FAM186A: variants seen among roughly 807,000 people sequenced by gnomAD.
FAM186A encodes the protein protein FAM186A.
A neutral mutation model predicts 216.8 loss-of-function variants in FAM186A; 163 were observed. That is an observed-to-expected ratio of 0.75 (90% CI 0.66 to 0.86). FAM186A has a LOEUF of 0.86. Ranked by LOEUF, FAM186A falls within the 40% of genes least tolerant of loss-of-function variation. The pLI is 0.00. For missense variants in FAM186A, 2,184 were observed against 2,746.2 expected (o/e 0.80, Z 4.58); for synonymous variants, 805 against 1,025.3 (o/e 0.79, Z 4.10).
At chr12:50,388,455 C>T (rs1565897793) in intron 1 of FAM186A, among the ~76,000 whole-genome samples, 1 of 151,776 alleles carries the variant, frequency 6.6e-6, no homozygotes, top group Non-Finnish European at 1.5e-5. Context: ...CCCCTCTCTA[C>T]TAAAAATACA....
intron 1 of FAM186A, among the ~76,000 whole-genome samples, chr12:50,366,327 A>G (rs1251697321): frequency 6.6e-6 from 1 of 152,178 alleles, no homozygotes; most frequent in African/African-American, 2.4e-5. Flanking sequence ...AAGAAAAGAT[A>G]CTACTAACTC....
intron 1 of FAM186A, among the ~76,000 whole-genome samples, chr12:50,390,732 C>T (rs1229186940): frequency 6.6e-6 from 1 of 152,168 alleles, no homozygotes; most frequent in Admixed American, 6.6e-5. Flanking sequence ...CAGAGCTCTT[C>T]AAGGATGCCG....
intron 1 of FAM186A, among the ~76,000 whole-genome samples, chr12:50,390,056 C>T (rs1273731054): frequency 1.3e-5 from 2 of 152,120 alleles, no homozygotes; most frequent in African/African-American, 4.8e-5. Flanking sequence ...TATGTATATT[C>T]CAATTACACA....
At chr12:50,346,292 C>T (rs1011953139) in intron 4 of FAM186A, among the ~76,000 whole-genome samples, 8 of 146,834 alleles carry the variant, frequency 5.4e-5, no homozygotes, top group African/African-American at 1.0e-4. Context: ...GTAGTGGTGG[C>T]GCCATCTCAG....
intron 5 of FAM186A, among the ~76,000 whole-genome samples, chr12:50,332,683 C>CA (rs1289330060): frequency 1.3e-5 from 2 of 151,614 alleles, no homozygotes; most frequent in Admixed American, 6.6e-5. Flanking sequence ...TTTGCCAAAT[C>CA]AAAAAAAGGA....
At chr12:50,360,218 T>G (rs1335809356) in intron 3 of FAM186A, among the ~76,000 whole-genome samples, 1 of 144,180 alleles carries the variant, frequency 6.9e-6, no homozygotes, top group Non-Finnish European at 1.5e-5. Context: ...CACTCCAGCC[T>G]GGGTAACAGT....
At chr12:50,374,561 T>C (rs928313529) in intron 1 of FAM186A, among the ~76,000 whole-genome samples, 7 of 152,176 alleles carry the variant, frequency 4.6e-5, no homozygotes, top group South Asian at 4.1e-4. Flanking sequence ...CGCCTCGGTA[T>C]ATACAGAAAA....
Position 50,355,586 on chromosome 12 carries a change from C to A in FAM186A, c.1246G>T (p.Asp416Tyr). ...SYTAQAERTP[D>Y]LTELRQQPVA... is the part of the protein sequence containing the mutation. ...GGTTGCTGTCGTAGTTCAGTTAAAT[C>A]TGGAGTTCTTTCAGCTTGGGCTGTA... Residue 416 changes from aspartate (D) to tyrosine (Y), a missense_variant, in exon 4 of 8, where the codon GAT becomes TAT. By Grantham distance (160) the Asp-to-Tyr change is radical. Coordinates refer to ENST00000327337, the MANE Select transcript of FAM186A (RefSeq NM_001145475.3). The A allele has an allele frequency of 6.4e-7, 1 of 1,551,646 alleles. No individual in the cohort carries two copies. The highest frequency in any genetic ancestry group is 8.7e-7 in the Non-Finnish European group (1 of 1,146,986).
Position 50,393,573 on chromosome 12 carries a change from G to A in FAM186A, c.192+2720C>T, listed in dbSNP as rs545272651. Among the ~76,000 whole-genome samples the A allele has an allele frequency of 5.3e-5, 8 of 151,770 alleles. No homozygotes were observed. The East Asian group carries it at 5.9e-4, about 11-fold the overall frequency. On this transcript the variant is annotated intron_variant, in intron 1 of 7. Coordinates refer to ENST00000327337, the MANE Select transcript of FAM186A (RefSeq NM_001145475.3). ...AAAAAAAGTGTATTTTGGGCCAGGC[G>A]TGGTGGCTCAAGCCTGTAATCTTAG... is the stretch of plus-strand genomic sequence containing the variant.
Position 50,332,180 on chromosome 12 carries a change from G to T in FAM186A, c.6697-359C>A, listed in dbSNP as rs577132620. 1.8e-4 allele frequency among the ~76,000 whole-genome samples: 27 copies of T among 152,336 alleles called. 1 individual carries two copies. In the South Asian group the frequency reaches 5.4e-3, roughly 30 times the overall value. Reference sequence around the variant, plus strand: ...TATATGGAAGCACTTTATAAATTGTGATGCAGTATGCAACTGTAATGATAG... The same window carrying T: ...TATATGGAAGCACTTTATAAATTGTTATGCAGTATGCAACTGTAATGATAG... On this transcript the variant is annotated intron_variant, in intron 5 of 7. Coordinates refer to ENST00000327337, the MANE Select transcript of FAM186A (RefSeq NM_001145475.3).
At position 50,353,672 on chromosome 12, in the gene FAM186A, G is replaced by C. The variant is rs756740354; in HGVS notation, c.3160C>G (p.Leu1054Val). ...AGAGCTCCAGGCAGGGAGTATTGTAGGGAGGGGGGAGGTGTGATTGATATG... is the reference window on the plus strand; with the variant it reads ...AGAGCTCCAGGCAGGGAGTATTGTACGGAGGGGGGAGGTGTGATTGATATG... ...EPISITPPPS[L>V]QYSLPGALPI... The change falls in exon 4 of 8, where the codon CTA (leucine) becomes GTA (valine). Residue 1054 changes from leucine (L) to valine (V), a missense_variant. Leu to Val is a conservative substitution (Grantham distance 32, BLOSUM62 1). Transcript: ENST00000327337. 6 of 1,536,954 alleles carry C rather than the reference G, an allele frequency of 3.9e-6. No individual in the cohort carries two copies. Among genetic ancestry groups the C allele is most frequent in the African/African-American group, 1.4e-5 (1 of 72,282 alleles).
intron 7 of FAM186A, among the ~76,000 whole-genome samples, 194 bp downstream of exon 7, chr12:50,330,379 G>A (rs959501891): frequency 1.3e-5 from 2 of 152,118 alleles, no homozygotes; most frequent in East Asian, 1.9e-4. Context: ...ACATCTATAG[G>A]CCTATGATTA....
At chr12:50,384,269 T>C (rs899551600) in intron 1 of FAM186A, among the ~76,000 whole-genome samples, 7 of 151,616 alleles carry the variant, frequency 4.6e-5, no homozygotes, top group Non-Finnish European at 1.0e-4. Flanking sequence ...ACCCTGTCTC[T>C]ACAAAAATTA....
At chr12:50,360,301 T>C (rs1943020578) in intron 3 of FAM186A, among the ~76,000 whole-genome samples, 1 of 151,310 alleles carries the variant, frequency 6.6e-6, no homozygotes, top group East Asian at 1.9e-4. Context: ...TAAAATTAGA[T>C]TGTGGTGATA....
At position 50,354,694 on chromosome 12, in the gene FAM186A, A is replaced by G. The variant is rs1469588509; in HGVS notation, c.2138T>C (p.Ile713Thr). 6.5e-7 allele frequency: 1 copy of G among 1,548,428 alleles called. No individual in the cohort carries two copies. The highest frequency in any genetic ancestry group is 2.0e-5 in the Admixed American group (1 of 50,572). Residue 713 changes from isoleucine (I) to threonine (T), a missense_variant, in exon 4 of 8, where the codon ATC (isoleucine) becomes ACC (threonine). Transcript: ENST00000327337. ...LKRAEAEKLG[I>T]IKAKMEEYFQ... Reference sequence around the variant, plus strand: ...ATATTCCTCCATTTTTGCCTTTATGATTCCTAATTTTTCAGCTTCTGCTCT... The same window carrying G: ...ATATTCCTCCATTTTTGCCTTTATGGTTCCTAATTTTTCAGCTTCTGCTCT...
chr12:50,395,368 C>T (rs1015292653), intron 1 of FAM186A, among the ~76,000 whole-genome samples: 3 of 152,190 alleles, frequency 2.0e-5, no homozygotes, highest in Non-Finnish European at 4.4e-5. Context: ...GGATTACAGG[C>T]ATGAATCGCT....
At chr12:50,341,247 G>T (rs1346698224) in intron 4 of FAM186A, among the ~76,000 whole-genome samples, 1 of 152,144 alleles carries the variant, frequency 6.6e-6, no homozygotes, top group Non-Finnish European at 1.5e-5. Context: ...TTCAAAAACA[G>T]TTTATATTAC....
chr12:50,355,642 G>A lies in FAM186A; in HGVS notation c.1190C>T (p.Ser397Phe). 6.4e-7 allele frequency: 1 copy of A among 1,551,426 alleles called. No individual in the cohort carries two copies. The highest frequency in any genetic ancestry group is 8.7e-7 in the Non-Finnish European group (1 of 1,146,962). The change falls in exon 4 of 8, where the codon TCT becomes TTT. Residue 397 changes from serine (S) to phenylalanine (F), a missense_variant. Physicochemically the swap from Ser to Phe is radical, Grantham distance 155. This residue lies in a region of FAM186A where 1,132 missense variants were observed against 1,263.4 expected (regional missense o/e 0.90). Coordinates refer to ENST00000327337, the MANE Select transcript of FAM186A (RefSeq NM_001145475.3). ...DEVQRKETKD[S>F]GIKWDSTISY... is the part of the protein sequence containing the mutation. ...AATAGTGGAGTCCCATTTTATCCCA[G>A]AGTCCTTGGTCTCTTTTCTTTGGAC...
At chr12:50,344,046 C>A (rs1306807109) in intron 4 of FAM186A, among the ~76,000 whole-genome samples, 2 of 150,818 alleles carry the variant, frequency 1.3e-5, no homozygotes, top group Non-Finnish European at 2.9e-5. Flanking sequence ...CCACCACACC[C>A]AGCCAGTCTA....
Sources: allele counts gnomAD v4.1 joint callset (sites outside exome capture counted in the v4.1 genomes callset), GRCh38; gene constraint gnomAD v4.1.1; regional missense constraint gnomAD v4.1.1; transcripts MANE v1.5; gene names NCBI Gene and HGNC (gene_info 2026-07-23, HGNC 2026-07-21).